ST3GAL1: variants seen among roughly 807,000 people sequenced by gnomAD.
ST3GAL1 encodes ST3 beta-galactoside alpha-2,3-sialyltransferase 1.
Under a neutral mutation model 34.1 loss-of-function variants are expected in ST3GAL1, and 16 were observed. The ratio of observed to expected loss-of-function variants is 0.47; its 90% CI spans 0.32 to 0.71. ST3GAL1 has a LOEUF of 0.71. ST3GAL1 is among the 30% of genes least tolerant of loss of function. ST3GAL1 has a pLI of 0.04. For missense variants in ST3GAL1, 353 were observed against 447.4 expected (o/e 0.79, Z 1.90); for synonymous variants, 191 against 184.7 (o/e 1.03, Z -0.28).
At chr8:133,544,044 C>A (rs910346921) in intron 2 of ST3GAL1, 4 of 152,200 alleles carry the variant, frequency 2.6e-5, no homozygotes, top group Non-Finnish European at 5.9e-5. Flanking sequence ...GTGCAGAATA[C>A]ATATCAATTG....
chr8:133,528,816 C>T (rs1414991043), intron 2 of ST3GAL1, among the ~76,000 whole-genome samples: 2 of 152,256 alleles, frequency 1.3e-5, no homozygotes, highest in African/African-American at 4.8e-5. Context: ...ACCACATTTC[C>T]CCTCTCCACC....
In ST3GAL1 at chr8:133,555,562, A is replaced by G. The variant is rs186226359; in HGVS notation, c.-581-9636T>C. Among the ~76,000 whole-genome samples, 258 of 152,348 alleles carry G rather than the reference A, an allele frequency of 1.7e-3. 1 individual carries two copies. The highest frequency in any genetic ancestry group is 6.8e-3 in the Middle Eastern group (2 of 294). On this transcript the variant is annotated intron_variant, in intron 1 of 9. Transcript: ENST00000522652. ...GGCCACATGGTTTTCCTAAAAAAAA[A>G]GAAAGGAGGGGGAGTCTGATGAAAT... is the stretch of plus-strand genomic sequence containing the variant.
At chr8:133,513,771 C>T (rs965558788) in intron 2 of ST3GAL1, among the ~76,000 whole-genome samples, 6 of 151,950 alleles carry the variant, frequency 3.9e-5, no homozygotes, top group African/African-American at 7.3e-5. Context: ...TGGTGACTTG[C>T]GCCTATAATC....
Position 133,531,114 on chromosome 8 carries a change from TAAGA to T in ST3GAL1, c.-429+14656_-429+14659del, listed in dbSNP as rs999126361. On this transcript the variant is annotated intron_variant, in intron 2 of 9. Coordinates refer to ENST00000522652, the MANE Select transcript of ST3GAL1 (RefSeq NM_173344.3). The stretch of plus-strand genomic sequence containing the variant: ...TTAGTAGGGGATAGAAAAGCTGCCT[TAAGA>T]AATAGCTCTTACACATTCATATTTT... 2.8e-4 allele frequency among the ~76,000 whole-genome samples: 42 copies of T among 151,702 alleles called. 1 individual carries two copies. The highest frequency in any genetic ancestry group is 9.6e-4 in the African/African-American group (40 of 41,512).
At chr8:133,507,755 G>A (rs1484099153) in intron 2 of ST3GAL1, among the ~76,000 whole-genome samples, 2 of 152,162 alleles carry the variant, frequency 1.3e-5, no homozygotes, top group African/African-American at 2.4e-5. Context: ...AATTACGCCC[G>A]GTGACCCTCG....
chr8:133,507,214 A>G (rs1170922850), intron 2 of ST3GAL1, among the ~76,000 whole-genome samples: 1 of 152,242 alleles, frequency 6.6e-6, no homozygotes, highest in Non-Finnish European at 1.5e-5. Context: ...TGTTGGGGAA[A>G]GATGGACATT....
At chr8:133,473,246 T>C (rs1816033847) in intron 5 of ST3GAL1, among the ~76,000 whole-genome samples, 1 of 152,206 alleles carries the variant, frequency 6.6e-6, no homozygotes, top group African/African-American at 2.4e-5. Flanking sequence ...ATCGATACTG[T>C]CTTGGTGATA....
chr8:133,530,411 A>G (rs1258355241), intron 2 of ST3GAL1, among the ~76,000 whole-genome samples: 1 of 151,900 alleles, frequency 6.6e-6, no homozygotes, highest in Non-Finnish European at 1.5e-5. Context: ...CCTCCCAAGT[A>G]GTTTGGATTA....
chr8:133,485,887 C>T (rs144071302), intron 3 of ST3GAL1, among the ~76,000 whole-genome samples: 118 of 152,272 alleles, frequency 7.7e-4, no homozygotes, highest in African/African-American at 2.8e-3. Flanking sequence ...GCTGCTGAGC[C>T]TCAAGTTCCT....
At chr8:133,547,779 T>A (rs1818711351) in intron 1 of ST3GAL1, among the ~76,000 whole-genome samples, 1 of 152,218 alleles carries the variant, frequency 6.6e-6, no homozygotes, top group Admixed American at 6.5e-5. Flanking sequence ...TGAGGTTTCT[T>A]TATACCGCTG....
chr8:133,456,644 GCAA>G lies in ST3GAL1; in HGVS notation c.*3117_*3119del, dbSNP rs1014207659. On this transcript the variant is annotated 3_prime_UTR_variant, in exon 10 of 10. Coordinates refer to ENST00000522652, the MANE Select transcript of ST3GAL1 (RefSeq NM_173344.3). ...CAGACTGGTGCATTTAATTCTGGCT[GCAA>G]CAACTGGATTCTGTTAAGTGCCCAT... 1 of 152,286 alleles carries G rather than the reference GCAA, an allele frequency of 6.6e-6. No individual in the cohort carries two copies. Among genetic ancestry groups the G allele is most frequent in the Non-Finnish European group, 1.5e-5 (1 of 68,078 alleles). 9.4% of individuals were successfully genotyped at this position (152,286 alleles called of 1,614,324 possible).
At chr8:133,558,276 T>G (rs1316323522) in intron 1 of ST3GAL1, among the ~76,000 whole-genome samples, 1 of 152,218 alleles carries the variant, frequency 6.6e-6, no homozygotes, top group African/African-American at 2.4e-5. Context: ...ACAAGGACTC[T>G]TCTGAGCACG....
intron 3 of ST3GAL1, among the ~76,000 whole-genome samples, chr8:133,486,300 C>T (rs1283832095): frequency 6.6e-6 from 1 of 152,252 alleles, no homozygotes; most frequent in South Asian, 2.1e-4. Context: ...TCCATGGTGG[C>T]ACTGTGAGCA....
intron 1 of ST3GAL1, among the ~76,000 whole-genome samples, chr8:133,558,888 C>T (rs534494121): frequency 8.5e-5 from 13 of 152,250 alleles, no homozygotes; most frequent in South Asian, 2.1e-4. Context: ...GATTCCCGGC[C>T]GGGACCACTG....
At chr8:133,550,658 A>G (rs1346172919) in intron 1 of ST3GAL1, among the ~76,000 whole-genome samples, 1 of 152,236 alleles carries the variant, frequency 6.6e-6, no homozygotes, top group African/African-American at 2.4e-5. Flanking sequence ...TGCTGGGCTT[A>G]AACCAAGAGA....
rs1815713429 is a variant in ST3GAL1, at chr8:133,465,925, G to A, written c.472C>T (p.Pro158Ser). ...ACAAAGTCGTGACTGTCTATCTCAG[G>A]CCCATAAGAAGACTCCCTCAGGTTG... The part of the protein sequence containing the change: ...SGNLRESSYG[P>S]EIDSHDFVLR... The change falls in exon 6 of 10, where the codon CCT (proline) becomes TCT (serine). Residue 158 changes from proline to serine, a missense_variant. Physicochemically the swap from Pro to Ser is moderately conservative, Grantham distance 74 (BLOSUM62 -1). Transcript: ENST00000522652. 2 of 1,613,990 alleles carry A rather than the reference G, an allele frequency of 1.2e-6. No homozygotes were observed. The highest frequency in any genetic ancestry group is 3.3e-5 in the Admixed American group (2 of 59,990).
intron 3 of ST3GAL1, among the ~76,000 whole-genome samples, chr8:133,492,620 G>A (rs1159974843): frequency 6.6e-6 from 1 of 152,192 alleles, no homozygotes; most frequent in Non-Finnish European, 1.5e-5. Context: ...TACTGGGGAG[G>A]CTGAGGCATG....
In ST3GAL1 at chr8:133,475,906, T is replaced by C. The variant is rs1477687584; in HGVS notation, c.119A>G (p.Lys40Arg). ...HTMVATTWFP[K>R]QMVLELSENL... ...CTCGGAGAGCTCCAGGACCATCTGC[T>C]TGGGGAACCAGGTGGTGGCCACCAT... The change falls in exon 5 of 10, where the codon AAG becomes AGG. Residue 40 changes from lysine (K) to arginine (R), a missense_variant. Coordinates refer to ENST00000522652, the MANE Select transcript of ST3GAL1 (RefSeq NM_173344.3). The C allele has an allele frequency of 1.2e-6, 2 of 1,613,970 alleles. No individual in the cohort carries two copies. Among genetic ancestry groups the C allele is most frequent in the African/African-American group, 1.3e-5 (1 of 74,952 alleles).
chr8:133,490,063 T>C (rs1418735902), intron 3 of ST3GAL1, among the ~76,000 whole-genome samples: 1 of 152,116 alleles, frequency 6.6e-6, no homozygotes, highest in Non-Finnish European at 1.5e-5. Context: ...CTGGCGAAAG[T>C]CCCCAGGGGC....
Sources: allele counts gnomAD v4.1 joint callset (sites outside exome capture counted in the v4.1 genomes callset), GRCh38; gene constraint gnomAD v4.1.1; transcripts MANE v1.5; gene names NCBI Gene and HGNC (gene_info 2026-07-23, HGNC 2026-07-21).